FMNL2: variants seen among roughly 807,000 people sequenced by gnomAD.
FMNL2 encodes formin like 2.
Under a neutral mutation model 130.2 loss-of-function variants are expected in FMNL2, and 51 were observed. That is an observed-to-expected ratio of 0.39 (90% CI 0.31 to 0.49). The LOEUF (loss-of-function observed/expected upper bound fraction) is 0.49, where lower values mean the gene tolerates loss of function less well. Among genes scored for constraint, FMNL2 ranks in the 20% least tolerant of loss-of-function variants. The probability of loss-of-function intolerance (pLI) is 0.85; values close to 1 mark genes in which losing one functional copy is unlikely to be tolerated. For missense variants in FMNL2, 977 were observed against 1,316.2 expected (o/e 0.74, Z 3.99); for synonymous variants, 465 against 467.1 (o/e 1.00, Z 0.06).
chr2:152,632,217 C>A, intron 21 of FMNL2, 80 bp downstream of exon 21: 1 of 1,523,282 alleles, frequency 6.6e-7, no homozygotes, highest in South Asian at 1.3e-5. Flanking sequence ...TGCTTAAACA[C>A]TTTTCAGAAC....
chr2:152,630,905 G>A (rs1296198206), intron 20 of FMNL2, among the ~76,000 whole-genome samples: 5 of 152,154 alleles, frequency 3.3e-5, no homozygotes, highest in Admixed American at 3.3e-4. Flanking sequence ...GCAGATGCAG[G>A]GCTGGGAGAG....
intron 21 of FMNL2, among the ~76,000 whole-genome samples, chr2:152,633,241 A>C (rs1682302771): frequency 6.6e-6 from 1 of 151,874 alleles, no homozygotes; most frequent in South Asian, 2.1e-4. Flanking sequence ...GACCACAGGC[A>C]CACACCACTA....
Position 152,578,956 on chromosome 2 carries a change from G to A in FMNL2, c.774G>A (p.Lys258=). 1 of 1,612,978 alleles carries A rather than the reference G, an allele frequency of 6.2e-7. No individual in the cohort carries two copies. The highest frequency in any genetic ancestry group is 1.1e-5 in the South Asian group (1 of 90,908). ...VNEIALSLNN[K]NPRTKALVLE... ...AGATTGCACTAAGCCTGAACAACAA[G>A]AATCCCAGGTAAGCTGCTTTTGTAG... Residue 258 remains lysine (K), a synonymous_variant, in exon 8 of 26, where the codon AAG becomes AAA. Coordinates refer to ENST00000288670, the MANE Select transcript of FMNL2 (RefSeq NM_052905.4).
At chr2:152,642,061 CT>C (rs1683130251) in intron 25 of FMNL2, among the ~76,000 whole-genome samples, 1 of 152,034 alleles carries the variant, frequency 6.6e-6, no homozygotes, top group South Asian at 2.1e-4. Context: ...CTGCCTCAGC[CT>C]CCCAAGTAGC....
chr2:152,613,090 T>G (rs1698770885), intron 11 of FMNL2, among the ~76,000 whole-genome samples: 1 of 152,244 alleles, frequency 6.6e-6, no homozygotes, highest in African/African-American at 2.4e-5. Flanking sequence ...TACTGTTGTC[T>G]AAAGACTACT....
rs186945619 is a variant in FMNL2 at position 152,625,430 on chromosome 2, G to A, written c.1838-8G>A. 164 of 1,600,846 alleles carry A rather than the reference G, an allele frequency of 1.0e-4. No homozygotes were observed. The African/African-American group carries it at 1.8e-3, about 18-fold the overall frequency. On this transcript the variant is annotated splice_region_variant and splice_polypyrimidine_tract_variant and intron_variant, in intron 15 of 25. Transcript: ENST00000288670. ...GGATCTTAATTCCATTCTCTTTGAT[G>A]TCTTTAGCTGTGAAAATTAAGAAGC...
chr2:152,613,721 C>T (rs1698804463), intron 11 of FMNL2, among the ~76,000 whole-genome samples: 1 of 152,168 alleles, frequency 6.6e-6, no homozygotes, highest in Non-Finnish European at 1.5e-5. Flanking sequence ...AAATGCTTCA[C>T]TAGTTTACAA....
intron 1 of FMNL2, among the ~76,000 whole-genome samples, chr2:152,464,099 A>T (rs1007515374): frequency 4.6e-5 from 7 of 152,004 alleles, no homozygotes. Flanking sequence ...TGCCTGGCTA[A>T]TTTTTTATTT....
intron 1 of FMNL2, among the ~76,000 whole-genome samples, chr2:152,428,126 C>T (rs932402143): frequency 6.6e-6 from 1 of 152,208 alleles, no homozygotes; most frequent in Non-Finnish European, 1.5e-5. Context: ...CCTGTCTCAA[C>T]CCATTCTTGC....
At chr2:152,362,911 C>G (rs973702294) in intron 1 of FMNL2, among the ~76,000 whole-genome samples, 4 of 152,106 alleles carry the variant, frequency 2.6e-5, no homozygotes, top group Non-Finnish European at 5.9e-5. Context: ...GCAAACTACG[C>G]TATGTCAAAG....
At chr2:152,388,428 C>A (rs1403333414) in intron 1 of FMNL2, among the ~76,000 whole-genome samples, 2 of 152,050 alleles carry the variant, frequency 1.3e-5, no homozygotes, top group Non-Finnish European at 2.9e-5. Flanking sequence ...GAAGTATGAA[C>A]GGAATGGGAG....
chr2:152,383,271 TC>T, intron 1 of FMNL2, among the ~76,000 whole-genome samples: 1 of 114,374 alleles, frequency 8.7e-6, no homozygotes, highest in African/African-American at 3.3e-5. Flanking sequence ...CTTCCGTTAA[TC>T]CTTTTTTTTT....
intron 1 of FMNL2, among the ~76,000 whole-genome samples, chr2:152,481,470 C>T (rs961877306): frequency 6.6e-6 from 1 of 152,178 alleles, no homozygotes; most frequent in Non-Finnish European, 1.5e-5. Flanking sequence ...TGGTATTTCA[C>T]GTGAGACTCA....
intron 1 of FMNL2, among the ~76,000 whole-genome samples, chr2:152,497,795 GTTTTCTGC>G (rs1691593440): frequency 6.6e-6 from 1 of 152,174 alleles, no homozygotes; most frequent in Admixed American, 6.5e-5. Context: ...GGTTAGTCGG[GTTTTCTGC>G]TTTTCTGCTC....
chr2:152,570,120 C>T (rs1190523962), intron 6 of FMNL2, among the ~76,000 whole-genome samples: 1 of 152,108 alleles, frequency 6.6e-6, no homozygotes, highest in Non-Finnish European at 1.5e-5. Flanking sequence ...ATTTTATGTA[C>T]ATATAACTAT....
chr2:152,579,531 T>C (rs1022086636), intron 8 of FMNL2, among the ~76,000 whole-genome samples: 1 of 152,072 alleles, frequency 6.6e-6, no homozygotes, highest in Admixed American at 6.6e-5. Flanking sequence ...ACCCCATCTC[T>C]ACTAAAAATA....
At chr2:152,526,969 A>G (rs1007062858) in intron 2 of FMNL2, among the ~76,000 whole-genome samples, 2 of 151,516 alleles carry the variant, frequency 1.3e-5, no homozygotes, top group Admixed American at 6.6e-5. Context: ...TGTTCTTCCT[A>G]TCTAGTTTGC....
rs796954245 is a variant in FMNL2, at chr2:152,375,877, C to CTCTCTATATATATATATATATATA, written c.117+40158_117+40159insCTCTATATATATATATATATATAT. Among the ~76,000 whole-genome samples, 8 of 112,472 alleles carry CTCTCTATATATATATATATATATA rather than the reference C, an allele frequency of 7.1e-5. No homozygotes were observed. In the East Asian group the frequency reaches 1.6e-3, roughly 23 times the overall value. 73.8% of individuals were successfully genotyped at this position (112,472 alleles called of 152,430 possible). ...TCTCTCTCTCTCTCTCTCTCTCTCTCTATATATATATATATATATAATTAT... is the reference window on the plus strand; with the variant it reads ...TCTCTCTCTCTCTCTCTCTCTCTCTCTCTCTATATATATATATATATATATATATATATATATATATATAATTAT... On this transcript the variant is annotated intron_variant, in intron 1 of 25. Transcript: ENST00000288670.
chr2:152,434,846 G>A (rs1687667091), intron 1 of FMNL2, among the ~76,000 whole-genome samples: 1 of 151,976 alleles, frequency 6.6e-6, no homozygotes, highest in South Asian at 2.1e-4. Flanking sequence ...TCTTTGGCAG[G>A]GCCAGCTGCA....
Sources: allele counts gnomAD v4.1 joint callset (sites outside exome capture counted in the v4.1 genomes callset), GRCh38; gene constraint gnomAD v4.1.1; transcripts MANE v1.5; gene names NCBI Gene and HGNC (gene_info 2026-07-23, HGNC 2026-07-21).